Variants in ATP8B1 observed in about 807,000 individuals in gnomAD.
ATP8B1 encodes the protein ATPase phospholipid transporting 8B1.
ATP8B1 carries 80 observed loss-of-function variants against 149.9 expected under a neutral mutation model. That is an observed-to-expected ratio of 0.53 (90% CI 0.45 to 0.64). The LOEUF (loss-of-function observed/expected upper bound fraction) is 0.64. Among genes scored for constraint, ATP8B1 ranks in the 30% least tolerant of loss-of-function variants. The pLI, the probability that ATP8B1 is intolerant of heterozygous loss-of-function variation, is 0.00. For missense variants in ATP8B1, 1,247 were observed against 1,552.6 expected, an observed-to-expected ratio of 0.80 and a Z score of 3.31; for synonymous variants, 536 against 562.8, an observed-to-expected ratio of 0.95 and a Z score of 0.67.
intron 21 of ATP8B1, among the ~76,000 whole-genome samples, chr18:57,661,674 TATAC>T (rs1183465664): frequency 2.5e-5 from 1 of 39,598 alleles, no homozygotes. Flanking sequence ...TGTGTATGTA[TATAC>T]ACACACACAC....
At chr18:57,717,141 A>G (rs2079590151) in intron 2 of ATP8B1, among the ~76,000 whole-genome samples, 3 of 152,366 alleles carry the variant, frequency 2.0e-5, no homozygotes, top group South Asian at 4.1e-4. Flanking sequence ...TGGAAACATG[A>G]TAAACCAAAA....
Position 57,760,431 on chromosome 18 carries a change from G to A in ATP8B1, c.-25-28599C>T, listed in dbSNP as rs76210399. On this transcript the variant is annotated intron_variant, in intron 1 of 27. Transcript: ENST00000648908. ...AGCCTGCAGCCCCAGAGATGCCTGA[G>A]GAACCCCCTCTGTGGCCAGCCTATC... is the stretch of plus-strand genomic sequence containing the variant. Among the ~76,000 whole-genome samples the A allele has an allele frequency of 1.4e-4, 21 of 152,226 alleles. No homozygotes were observed. The East Asian group carries it at 3.3e-3, about 24-fold the overall frequency.
intron 20 of ATP8B1, among the ~76,000 whole-genome samples, chr18:57,665,221 T>C (rs908836543): frequency 2.4e-5 from 3 of 125,186 alleles, no homozygotes; most frequent in South Asian, 2.5e-4. Context: ...AGACAAATCA[T>C]TGAAAGGCCG....
chr18:57,656,548 G>C (rs1463324713), intron 22 of ATP8B1, among the ~76,000 whole-genome samples: 2 of 151,906 alleles, frequency 1.3e-5, no homozygotes, highest in East Asian at 3.9e-4. Context: ...ACCACACCCA[G>C]CTAATTTTTG....
At chr18:57,794,314 T>G (rs1345124446) in intron 1 of ATP8B1, among the ~76,000 whole-genome samples, 1 of 152,036 alleles carries the variant, frequency 6.6e-6, no homozygotes, top group East Asian at 1.9e-4. Flanking sequence ...GTCTAATTAT[T>G]ACATAAAGGC....
Position 57,784,876 on chromosome 18 carries a change from C to G in ATP8B1, c.-26+18122G>C, listed in dbSNP as rs544830984. ...AGTATCCCTGGCCTTGACCACTGGA[C>G]GCTTGTAGCATCCTGAATTGTGACA... On this transcript the variant is annotated intron_variant, in intron 1 of 27. Transcript: ENST00000648908. This position sits in a 1 kb window ranked among gnomAD's most constrained non-coding sequence, Gnocchi z 4.4. Among the ~76,000 whole-genome samples the G allele has an allele frequency of 6.6e-6, 1 of 152,118 alleles. No homozygotes were observed. Among genetic ancestry groups the G allele is most frequent in the African/African-American group, 2.4e-5 (1 of 41,426 alleles).
At chr18:57,772,163 A>G (rs2080269281) in intron 1 of ATP8B1, among the ~76,000 whole-genome samples, 1 of 152,158 alleles carries the variant, frequency 6.6e-6, no homozygotes, top group Admixed American at 6.5e-5. Flanking sequence ...AGCCTCCTAA[A>G]ATGTAAAATT....
intron 2 of ATP8B1, 30 bp from the exon 3 acceptor site, chr18:57,706,617 G>T (rs765488431): frequency 1.3e-6 from 2 of 1,547,136 alleles, no homozygotes; most frequent in South Asian, 1.1e-5. Flanking sequence ...AAGTTCGTAA[G>T]TAGCAAATTA....
chr18:57,752,089 C>A (rs1233994912), intron 1 of ATP8B1, among the ~76,000 whole-genome samples: 1 of 151,760 alleles, frequency 6.6e-6, no homozygotes, highest in African/African-American at 2.4e-5. Flanking sequence ...TGCCTGTGGT[C>A]CCAGCTACTT....
At chr18:57,711,801 G>A (rs978791565) in intron 2 of ATP8B1, among the ~76,000 whole-genome samples, 2 of 152,032 alleles carry the variant, frequency 1.3e-5, no homozygotes, top group African/African-American at 4.8e-5. Context: ...TGCAGACCAG[G>A]CTGGTCTTGA....
chr18:57,652,204 C>T (rs771488259), intron 25 of ATP8B1, 32 bp from the exon 26 acceptor site: 2 of 1,613,194 alleles, frequency 1.2e-6, no homozygotes, highest in Non-Finnish European at 1.7e-6. Flanking sequence ...ACAGAGCACT[C>T]ATTTTGGGGA....
intron 1 of ATP8B1, among the ~76,000 whole-genome samples, chr18:57,732,331 GTGTGTA>G (rs2079792190): frequency 2.3e-4 from 3 of 12,796 alleles, no homozygotes; most frequent in African/African-American, 1.1e-3. Context: ...GTGTATATAT[GTGTGTA>G]TATATATGTA....
intron 1 of ATP8B1, among the ~76,000 whole-genome samples, chr18:57,751,860 C>A (rs2080023504): frequency 6.6e-6 from 1 of 152,084 alleles, no homozygotes; most frequent in Admixed American, 6.6e-5. Context: ...CTGAACCATT[C>A]TTTGCATTAT....
chr18:57,733,830 A>G (rs1223438194), intron 1 of ATP8B1, among the ~76,000 whole-genome samples: 1 of 152,114 alleles, frequency 6.6e-6, no homozygotes, highest in Non-Finnish European at 1.5e-5. Flanking sequence ...AAGTAGAACT[A>G]TGTAGCTGAT....
chr18:57,653,282 CTTTT>C (rs199543849), intron 24 of ATP8B1, among the ~76,000 whole-genome samples: 1 of 114,466 alleles, frequency 8.7e-6, no homozygotes. Context: ...CTTTTCTTTT[CTTTT>C]TTTTTTTTTT....
chr18:57,733,567 G>A (rs1599170257), intron 1 of ATP8B1, among the ~76,000 whole-genome samples: 1 of 152,068 alleles, frequency 6.6e-6, no homozygotes, highest in Non-Finnish European at 1.5e-5. Context: ...TTAGCCAGAC[G>A]TGGTAGCGGG....
chr18:57,681,807 C>A (rs689659), intron 15 of ATP8B1, among the ~76,000 whole-genome samples: 46,650 of 151,750 alleles, frequency 0.31, 7,753 homozygotes, highest in East Asian at 0.65. Flanking sequence ...CTCAAAAACA[C>A]AAAACAAAAC....
In ATP8B1 at chr18:57,697,698, A is replaced by G. The variant is rs747708027; in HGVS notation, c.628-10T>C. 5.6e-6 allele frequency: 9 copies of G among 1,614,068 alleles called. No homozygotes were observed. In the South Asian group the frequency reaches 7.7e-5, roughly 14 times the overall value. On this transcript the variant is annotated splice_polypyrimidine_tract_variant and intron_variant, in intron 7 of 27. Coordinates refer to ENST00000648908, the MANE Select transcript of ATP8B1 (RefSeq NM_001374385.1). ...GCAGGAGAATGTCAGCCTGTCCAAA[A>G]CAAAACACACAAATAACACCGAGAC...
At chr18:57,725,774 T>C (rs1379390453) in intron 2 of ATP8B1, among the ~76,000 whole-genome samples, 1 of 152,144 alleles carries the variant, frequency 6.6e-6, no homozygotes, top group Non-Finnish European at 1.5e-5. Context: ...AGAACATACA[T>C]TGGGGAAAGG....
Sources: allele counts gnomAD v4.1 joint callset (sites outside exome capture counted in the v4.1 genomes callset), GRCh38; gene constraint gnomAD v4.1.1; non-coding constraint Gnocchi (gnomAD v3.1); transcripts MANE v1.5; gene names NCBI Gene and HGNC (gene_info 2026-07-23, HGNC 2026-07-21).